PTPRD: variants seen among roughly 807,000 people sequenced by gnomAD.
PTPRD encodes the protein protein tyrosine phosphatase receptor type D.
PTPRD carries 34 observed loss-of-function variants against 214.5 expected under a neutral mutation model. The ratio of observed to expected loss-of-function variants is 0.16; its 90% CI spans 0.12 to 0.21. The LOEUF (loss-of-function observed/expected upper bound fraction) is 0.21. PTPRD is among the 10% of genes least tolerant of loss of function. PTPRD has a pLI of 1.00. For synonymous variants in PTPRD, 1,128 were observed against 845.7 expected, an observed-to-expected ratio of 1.33 and a Z score of -5.79; for missense variants, 2,545 against 2,398.7, an observed-to-expected ratio of 1.06 and a Z score of -1.27.
rs563786805 is a variant in PTPRD, at chr9:9,825,911, C to G, written c.-367-59060G>C. Among the ~76,000 whole-genome samples the G allele has an allele frequency of 8.6e-5, 13 of 151,648 alleles. No homozygotes were observed. The South Asian group carries it at 1.9e-3, about 22-fold the overall frequency. ...ACATTTATTCTTTTTTCTTTAAGAT[C>G]TATTATTTTATTATAATATTTCTTG... On this transcript the variant is annotated intron_variant, in intron 5 of 45. Coordinates refer to ENST00000381196, the MANE Select transcript of PTPRD (RefSeq NM_002839.4).
intron 11 of PTPRD, among the ~76,000 whole-genome samples, chr9:8,876,224 GTGT>G (rs5896271): frequency 6.0e-5 from 9 of 151,076 alleles, no homozygotes; most frequent in East Asian, 3.9e-4. Context: ...ATGTGTGTGT[GTGT>G]TGTTGTTGTT....
intron 10 of PTPRD, among the ~76,000 whole-genome samples, chr9:9,165,649 AC>A (rs2099901782): frequency 6.6e-6 from 1 of 152,206 alleles, no homozygotes; most frequent in African/African-American, 2.4e-5. Context: ...AAGGATGTCA[AC>A]TATGACTCTG....
intron 8 of PTPRD, among the ~76,000 whole-genome samples, chr9:9,492,989 G>C (rs2095987748): frequency 6.9e-6 from 1 of 145,862 alleles, no homozygotes; most frequent in Admixed American, 7.0e-5. Context: ...TGGTCTGACT[G>C]CTCCACTAAT....
At chr9:8,833,111 A>G (rs1016409169) in intron 11 of PTPRD, among the ~76,000 whole-genome samples, 1 of 152,176 alleles carries the variant, frequency 6.6e-6, no homozygotes, top group African/African-American at 2.4e-5. Flanking sequence ...CACAGGCCAC[A>G]GCAACAGTGC....
chr9:9,165,321 T>A (rs16929000), intron 10 of PTPRD, among the ~76,000 whole-genome samples: 15,821 of 152,166 alleles, frequency 0.1, 913 homozygotes, highest in African/African-American at 0.14. Flanking sequence ...GACTTCTTAA[T>A]TTTGAGGAGA....
chr9:9,400,328 G>A (rs928513214), intron 8 of PTPRD, among the ~76,000 whole-genome samples: 13 of 151,878 alleles, frequency 8.6e-5, no homozygotes, highest in Non-Finnish European at 1.5e-4. Flanking sequence ...TCTCCCCAGA[G>A]AGAAATATAA....
chr9:8,728,248 C>T (rs1301617025), intron 12 of PTPRD, among the ~76,000 whole-genome samples: 1 of 151,878 alleles, frequency 6.6e-6, no homozygotes, highest in Admixed American at 6.6e-5. Flanking sequence ...AAAACTCCAT[C>T]TCGAAAAAAA....
At chr9:9,325,133 C>T (rs1969232844) in intron 9 of PTPRD, among the ~76,000 whole-genome samples, 1 of 152,162 alleles carries the variant, frequency 6.6e-6, no homozygotes, top group African/African-American at 2.4e-5. Context: ...CGTGATGCCT[C>T]CAGCTTTGTT....
chr9:8,933,003 A>T (rs528982176), intron 11 of PTPRD, among the ~76,000 whole-genome samples: 15 of 152,060 alleles, frequency 9.9e-5, no homozygotes, highest in Non-Finnish European at 1.8e-4. Context: ...TGGTGTAGGC[A>T]CCAGAGAGAA....
chr9:9,336,815 T>A (rs902398707), intron 9 of PTPRD, among the ~76,000 whole-genome samples: 10 of 152,188 alleles, frequency 6.6e-5, no homozygotes, highest in African/African-American at 2.2e-4. Flanking sequence ...TATTAAATTA[T>A]TTGACTTTAA....
chr9:8,448,472 A>C (rs572844047), intron 34 of PTPRD, among the ~76,000 whole-genome samples: 1 of 152,348 alleles, frequency 6.6e-6, no homozygotes, highest in East Asian at 1.9e-4. Flanking sequence ...GCCTTAATAA[A>C]GTACTGAGTA....
chr9:10,375,033 G>C (rs1260541184), intron 2 of PTPRD, among the ~76,000 whole-genome samples: 1 of 151,976 alleles, frequency 6.6e-6, no homozygotes, highest in Admixed American at 6.6e-5. Context: ...GTTAACTACA[G>C]GTTTATAGAA....
intron 8 of PTPRD, among the ~76,000 whole-genome samples, chr9:9,530,445 T>C (rs113878859): frequency 3.3e-5 from 5 of 151,950 alleles, no homozygotes; most frequent in African/African-American, 4.8e-5. Flanking sequence ...CAGGAAGAAA[T>C]AGAAAACCAG....
intron 8 of PTPRD, among the ~76,000 whole-genome samples, chr9:9,564,882 C>CTTT (rs1448047685): frequency 6.6e-4 from 22 of 33,226 alleles, no homozygotes; most frequent in South Asian, 2.3e-3. Flanking sequence ...CTTGAATCTT[C>CTTT]TGTTTTTTTT....
At chr9:10,186,035 T>G (rs559008384) in intron 3 of PTPRD, among the ~76,000 whole-genome samples, 1 of 152,226 alleles carries the variant, frequency 6.6e-6, no homozygotes, top group South Asian at 2.1e-4. Flanking sequence ...ATTTCACTTG[T>G]ATACCAGAAC....
intron 4 of PTPRD, among the ~76,000 whole-genome samples, chr9:9,952,787 C>A (rs537274729): frequency 6.6e-6 from 1 of 152,100 alleles, no homozygotes; most frequent in Admixed American, 6.6e-5. Context: ...CATGAACCTC[C>A]AGTTAGAGTG....
At chr9:9,281,093 C>A (rs377234931) in intron 9 of PTPRD, among the ~76,000 whole-genome samples, 7 of 151,162 alleles carry the variant, frequency 4.6e-5, no homozygotes, top group African/African-American at 1.7e-4. Flanking sequence ...TCCTACACTG[C>A]TCCCATAAAT....
intron 5 of PTPRD, among the ~76,000 whole-genome samples, chr9:9,773,780 A>G (rs910925899): frequency 5.9e-5 from 9 of 152,144 alleles, no homozygotes; most frequent in Admixed American, 2.0e-4. Context: ...CCAACATCCA[A>G]TTCTTTTATA....
At chr9:8,328,106 C>G (rs145032418) in intron 44 of PTPRD, among the ~76,000 whole-genome samples, 1 of 152,034 alleles carries the variant, frequency 6.6e-6, no homozygotes, top group Non-Finnish European at 1.5e-5. Flanking sequence ...CAGTTTCTTC[C>G]CAGCATCGAT....
Sources: allele counts gnomAD v4.1 joint callset (sites outside exome capture counted in the v4.1 genomes callset), GRCh38; gene constraint gnomAD v4.1.1; transcripts MANE v1.5; gene names NCBI Gene and HGNC (gene_info 2026-07-23, HGNC 2026-07-21).